The following ADAMTS17 variants were observed in gnomAD, a reference collection of about 807,000 sequenced individuals.
ADAMTS17 encodes A disintegrin and metalloproteinase with thrombospondin motifs 17.
ADAMTS17 carries 113 observed loss-of-function variants against 141.5 expected under a neutral mutation model. That is an observed-to-expected ratio of 0.80 (90% CI 0.69 to 0.93). The LOEUF (loss-of-function observed/expected upper bound fraction) is 0.93. ADAMTS17 is among the 40% of genes least tolerant of loss of function. The pLI is 0.00. For missense variants in ADAMTS17, 1,659 were observed against 1,517.9 expected, an observed-to-expected ratio of 1.09 and a Z score of -1.54; for synonymous variants, 768 against 630.6, an observed-to-expected ratio of 1.22 and a Z score of -3.27.
rs111307462 is a variant in ADAMTS17, at chr15:100,270,035, G to A, written c.790-7600C>T. On this transcript the variant is annotated intron_variant, in intron 4 of 21. Coordinates refer to ENST00000268070, the MANE Select transcript of ADAMTS17 (RefSeq NM_139057.4). ...CAAAAATGAGACCACTTTGCATGAC[G>A]CCAGTTTTCTCTGGGACCTCTTCCA... Among the ~76,000 whole-genome samples, 273 of 152,250 alleles carry A rather than the reference G, an allele frequency of 1.8e-3. 1 individual carries two copies. The highest frequency in any genetic ancestry group is 6.3e-3 in the African/African-American group (262 of 41,530).
chr15:100,108,145 G>A (rs1016726406), intron 14 of ADAMTS17, among the ~76,000 whole-genome samples: 2 of 151,996 alleles, frequency 1.3e-5, no homozygotes, highest in African/African-American at 2.4e-5. Flanking sequence ...CAGGTGGAGG[G>A]TAAGCTTCCT....
intron 14 of ADAMTS17, among the ~76,000 whole-genome samples, chr15:100,103,703 T>G (rs2036257636): frequency 6.6e-6 from 1 of 152,120 alleles, no homozygotes; most frequent in Admixed American, 6.6e-5. Flanking sequence ...CTCAGCCTCC[T>G]TAGCTGGAAT....
At position 100,214,621 on chromosome 15, in the gene ADAMTS17, C is replaced by T. The variant is rs796265059; in HGVS notation, c.1076-15198G>A. The stretch of plus-strand genomic sequence containing the variant: ...TTCTGGAGGAGCATGGGATTGCATA[C>T]GCACTTTTATTGGCCACTTCTTAAT... On this transcript the variant is annotated intron_variant, in intron 7 of 21. Transcript: ENST00000268070. Among the ~76,000 whole-genome samples, 7 of 152,280 alleles carry T rather than the reference C, an allele frequency of 4.6e-5. No homozygotes were observed. The South Asian group carries it at 6.2e-4, about 14-fold the overall frequency.
At position 100,341,811 on chromosome 15, in the gene ADAMTS17, G is replaced by A; in HGVS notation, c.79+10C>T. On this transcript the variant is annotated intron_variant, in intron 1 of 21. Coordinates refer to ENST00000268070, the MANE Select transcript of ADAMTS17 (RefSeq NM_139057.4). ...CGCGGGGTGAAGAGGGCTGTGGGAG[G>A]GGGCGCTACCTGTGCCCGGGTCCAG... The A allele has an allele frequency of 1.9e-6, 3 of 1,550,344 alleles. No homozygotes were observed. In the East Asian group the frequency reaches 7.3e-5, roughly 38 times the overall value.
intron 15 of ADAMTS17, among the ~76,000 whole-genome samples, chr15:100,081,905 C>T (rs898146190): frequency 7.2e-5 from 11 of 152,138 alleles, no homozygotes; most frequent in Non-Finnish European, 1.3e-4. Context: ...CATTTTTCTA[C>T]CATCTTTTAT....
In ADAMTS17 at chr15:100,330,936, G is replaced by C. The variant is rs1009618043; in HGVS notation, c.569C>G (p.Pro190Arg). Reference sequence around the variant, plus strand: ...CTCAGGTCTCTGGGCCTCAGCAGAAGGGCTGGGGGTCAAGGACCATTTGCG... The same window carrying C: ...CTCAGGTCTCTGGGCCTCAGCAGAACGGCTGGGGGTCAAGGACCATTTGCG... The part of the protein sequence containing the change: ...IRRKWSLTPS[P>R]SAEAQRPEQL... The change falls in exon 3 of 22, where the codon CCT (proline) becomes CGT (arginine). Residue 190 changes from proline to arginine, a missense_variant. Pro to Arg is a moderately radical substitution (Grantham distance 103, BLOSUM62 -2). Transcript: ENST00000268070. The C allele has an allele frequency of 1.4e-5, 23 of 1,614,018 alleles. No homozygotes were observed. Among genetic ancestry groups the C allele is most frequent in the Non-Finnish European group, 1.7e-5 (20 of 1,180,048 alleles).
In ADAMTS17 at chr15:100,087,723, A is replaced by G. The variant is rs1429788960; in HGVS notation, c.2137+8633T>C. On this transcript the variant is annotated intron_variant, in intron 15 of 21. Coordinates refer to ENST00000268070, the MANE Select transcript of ADAMTS17 (RefSeq NM_139057.4). ...AAACGTAATCCAGCATATAAACAGA[A>G]CCAAAGACAAAAACCACATGATTAT... is the stretch of plus-strand genomic sequence containing the variant. Among the ~76,000 whole-genome samples the G allele has an allele frequency of 2.6e-5, 4 of 152,346 alleles. No individual in the cohort carries two copies. In the East Asian group the frequency reaches 7.7e-4, roughly 29 times the overall value.
At chr15:100,048,229 A>T (rs1467455849) in intron 18 of ADAMTS17, among the ~76,000 whole-genome samples, 3 of 152,212 alleles carry the variant, frequency 2.0e-5, no homozygotes, top group African/African-American at 7.2e-5. Flanking sequence ...GGAAGGCCAA[A>T]GGGTGACATG....
At chr15:100,179,707 T>C (rs1350481115) in intron 8 of ADAMTS17, among the ~76,000 whole-genome samples, 1 of 152,236 alleles carries the variant, frequency 6.6e-6, no homozygotes, top group African/African-American at 2.4e-5. Context: ...CCAGCATTTG[T>C]TATTGCCTGT....
chr15:99,998,170 G>T (rs571569492), intron 18 of ADAMTS17, among the ~76,000 whole-genome samples: 1 of 152,200 alleles, frequency 6.6e-6, no homozygotes, highest in African/African-American at 2.4e-5. Flanking sequence ...ACCGGTCCCA[G>T]CTTGATTAAC....
intron 4 of ADAMTS17, among the ~76,000 whole-genome samples, chr15:100,266,420 A>G (rs2043718857): frequency 6.6e-6 from 1 of 152,202 alleles, no homozygotes; most frequent in Non-Finnish European, 1.5e-5. Flanking sequence ...GCGGTTTGCC[A>G]GGGACACAGA....
intron 14 of ADAMTS17, among the ~76,000 whole-genome samples, chr15:100,099,767 G>A (rs1399238377): frequency 1.0e-5 from 1 of 99,786 alleles, no homozygotes; most frequent in African/African-American, 3.7e-5. Context: ...AGATGGGATG[G>A]AACGGGGGGA....
At chr15:100,023,434 G>C (rs2061441930) in intron 18 of ADAMTS17, among the ~76,000 whole-genome samples, 1 of 151,906 alleles carries the variant, frequency 6.6e-6, no homozygotes, top group African/African-American at 2.4e-5. Context: ...CGAACCTCCT[G>C]ACCTTAGGTG....
intron 10 of ADAMTS17, 55 bp downstream of exon 10, chr15:100,152,557 G>T: frequency 6.2e-7 from 1 of 1,607,048 alleles, no homozygotes; most frequent in Non-Finnish European, 8.5e-7. Flanking sequence ...CAGACCTGCT[G>T]TGGGAGGGCT....
At chr15:100,245,442 A>G (rs2042957897) in intron 7 of ADAMTS17, among the ~76,000 whole-genome samples, 1 of 152,256 alleles carries the variant, frequency 6.6e-6, no homozygotes, top group African/African-American at 2.4e-5. Flanking sequence ...AAAGGCATTC[A>G]TGCACAGCCC....
At chr15:100,056,772 C>G (rs954340764) in intron 15 of ADAMTS17, among the ~76,000 whole-genome samples, 1 of 152,046 alleles carries the variant, frequency 6.6e-6, no homozygotes, top group East Asian at 1.9e-4. Context: ...GCAGATGTAC[C>G]CTGCCATTCC....
At chr15:100,042,709 C>A (rs1200413299) in intron 18 of ADAMTS17, among the ~76,000 whole-genome samples, 1 of 152,176 alleles carries the variant, frequency 6.6e-6, no homozygotes, top group Non-Finnish European at 1.5e-5. Flanking sequence ...CAGCAGGGAG[C>A]AGAGACACTG....
rs1362628671 is a variant in ADAMTS17, at chr15:99,973,768, G to C, written c.*634C>G. 1 of 168,478 alleles carries C rather than the reference G, an allele frequency of 5.9e-6. No homozygotes were observed. Among genetic ancestry groups the C allele is most frequent in the Non-Finnish European group, 1.3e-5 (1 of 77,410 alleles). The allele number at this position is 168,478 out of a possible 1,614,324, so 10.4% of individuals were successfully genotyped here. A position where few individuals can be genotyped will look rare whatever the true frequency, so the allele number is the denominator to read the frequency against. On this transcript the variant is annotated 3_prime_UTR_variant, in exon 22 of 22. Coordinates refer to ENST00000268070, the MANE Select transcript of ADAMTS17 (RefSeq NM_139057.4). ...CTGCGTGGCACTGCTGTCCTCGCTG[G>C]CATATATAGATTTACACTCCACGCA...
intron 7 of ADAMTS17, among the ~76,000 whole-genome samples, chr15:100,237,577 A>G (rs528389128): frequency 6.6e-6 from 1 of 152,318 alleles, no homozygotes; most frequent in South Asian, 2.1e-4. Flanking sequence ...TGGGGAAGAC[A>G]CTGCTGTCTC....
Sources: gnomAD v4.1 joint callset for allele counts (sites outside exome capture counted in the v4.1 genomes callset) on GRCh38, gnomAD v4.1.1 for gene constraint, MANE v1.5 for transcripts, NCBI Gene and HGNC (gene_info 2026-07-23, HGNC 2026-07-21) for gene names.